FAM83H: variants seen among roughly 807,000 people sequenced by gnomAD.
The protein encoded by FAM83H is protein FAM83H.
A neutral mutation model predicts 30.2 loss-of-function variants in FAM83H; 24 were observed. The observed-to-expected ratio is 0.79, with a 90% CI of 0.57 to 1.12. The LOEUF (loss-of-function observed/expected upper bound fraction) is 1.12. Among genes scored for constraint, FAM83H ranks in the 50% most tolerant of loss-of-function variants. The pLI is 0.00. For synonymous variants in FAM83H, 1,013 were observed against 821.7 expected (o/e 1.23, Z -3.98); for missense variants, 2,038 against 1,773.9 (o/e 1.15, Z -2.67).
intron 1 of FAM83H, 32 bp from the exon 2 acceptor site, chr8:143,730,629 T>C (rs1818484779): frequency 7.1e-7 from 1 of 1,415,566 alleles, no homozygotes; most frequent in South Asian, 1.4e-5. Flanking sequence ...TGACTAGGGG[T>C]GGGGGCACTG....
In FAM83H at chr8:143,727,765, G is replaced by A. The variant is rs1223407396; in HGVS notation, c.1696C>T (p.Pro566Ser). 17 of 1,469,796 alleles carry A rather than the reference G, an allele frequency of 1.2e-5. 1 individual carries two copies. The Admixed American group carries it at 2.7e-4, about 23-fold the overall frequency. The allele number at this position is 1,469,796 out of a possible 1,614,324, so 91.0% of individuals were successfully genotyped here. Residue 566 changes from proline to serine, a missense_variant, in exon 5 of 5, where the codon CCG (proline) becomes TCG (serine). By Grantham distance (74) the Pro-to-Ser change is moderately conservative. Coordinates refer to ENST00000388913, the MANE Select transcript of FAM83H (RefSeq NM_198488.5). ...PGPDPAPEAEPERRGGPEGRA... is the reference protein window; with the variant it reads ...PGPDPAPEAESERRGGPEGRA... ...CCCTCGGGCCCGCCCCTGCGCTCCG[G>A]CTCCGCCTCGGGAGCGGGGTCTGGG...
intron 1 of FAM83H, among the ~76,000 whole-genome samples, chr8:143,731,010 G>A (rs1457121167): frequency 6.6e-6 from 1 of 152,046 alleles, no homozygotes; most frequent in South Asian, 2.1e-4. Flanking sequence ...CAGAAGGATT[G>A]TTTGAGCCCA....
chr8:143,724,864 G>T lies in FAM83H; in HGVS notation c.*1057C>A. ...AATGCCCCCTCCCCACTCTCACCCAGTGCTGGCCAGAGCCTCGCTGGAGGA... is the reference window on the plus strand; with the variant it reads ...AATGCCCCCTCCCCACTCTCACCCATTGCTGGCCAGAGCCTCGCTGGAGGA... On this transcript the variant is annotated 3_prime_UTR_variant, in exon 5 of 5. Coordinates refer to ENST00000388913, the MANE Select transcript of FAM83H (RefSeq NM_198488.5). The T allele has an allele frequency of 6.5e-6, 1 of 152,730 alleles. No homozygotes were observed. 9.5% of individuals were successfully genotyped at this position (152,730 alleles called of 1,614,324 possible).
chr8:143,729,975 A>G (rs1282243749), intron 2 of FAM83H, among the ~76,000 whole-genome samples, 161 bp downstream of exon 2: 4 of 152,078 alleles, frequency 2.6e-5, no homozygotes, highest in Non-Finnish European at 5.9e-5. Flanking sequence ...GCAGCCCCTG[A>G]TGACCGAGAC....
In FAM83H at chr8:143,729,230, G is replaced by A; in HGVS notation, c.541C>T (p.Leu181=). The A allele has an allele frequency of 1.2e-6, 2 of 1,613,596 alleles. No homozygotes were observed. The highest frequency in any genetic ancestry group is 1.7e-6 in the Non-Finnish European group (2 of 1,180,022). The change falls in exon 3 of 5, where the codon CTG becomes TTG. Residue 181 remains leucine, a synonymous_variant. Coordinates refer to ENST00000388913, the MANE Select transcript of FAM83H (RefSeq NM_198488.5). ...AARRVPVYIL[L]DEMNAQHFLD... is the part of the protein sequence containing the mutation. ...AAGTGCTGCGCGTTCATCTCATCCA[G>A]CAGGATGTAGACTGGGACCCGACGG...
Position 143,726,740 on chromosome 8 carries a change from G to C in FAM83H, c.2721C>G (p.Ala907=). The change falls in exon 5 of 5, where the codon GCC becomes GCG. Residue 907 remains alanine (A), a synonymous_variant. Coordinates refer to ENST00000388913, the MANE Select transcript of FAM83H (RefSeq NM_198488.5). ...CCGGACTACCCCTGCGCTCGGGGTA[G>C]GCTGAGGTGGGGCTCCCCTTCTGCT... The part of the protein sequence containing the change: ...FIEQKGSPTS[A]YPERRGSPVP... The C allele has an allele frequency of 6.2e-7, 1 of 1,612,168 alleles. No homozygotes were observed. Among genetic ancestry groups the C allele is most frequent in the South Asian group, 1.1e-5 (1 of 91,018 alleles).
Position 143,726,348 on chromosome 8 carries a change from T to C in FAM83H, c.3113A>G (p.Asp1038Gly), listed in dbSNP as rs1415233579. 1 of 1,611,778 alleles carries C rather than the reference T, an allele frequency of 6.2e-7. No homozygotes were observed. Among genetic ancestry groups the C allele is most frequent in the African/African-American group, 1.3e-5 (1 of 74,904 alleles). Residue 1038 changes from aspartate (D) to glycine (G), a missense_variant, in exon 5 of 5, where the codon GAT becomes GGT. Asp to Gly is a moderately conservative substitution (Grantham distance 94, BLOSUM62 -1). Transcript: ENST00000388913. ...ANALYSSNLRDDTKAILEQIS... is the reference protein window; with the variant it reads ...ANALYSSNLRGDTKAILEQIS... ...CTGCTCCAGAATGGCCTTCGTGTCA[T>C]CCCGAAGGTTGCTGCTGTACAAGGC...
rs1218756360 is a variant in FAM83H at position 143,730,562 on chromosome 8, G to C, written c.21C>G (p.Ser7Arg). 3 of 1,556,062 alleles carry C rather than the reference G, an allele frequency of 1.9e-6. No homozygotes were observed. Among genetic ancestry groups the C allele is most frequent in the South Asian group, 1.2e-5 (1 of 82,914 alleles). ...CCAGTGGGTTGTCCCCCTGCGAGGA[G>C]CTCTGAGAGCGACGGGCCATGTTGG... The part of the protein sequence containing the change: MARRSQ[S>R]SSQGDNPLAP... The change falls in exon 2 of 5, where the codon AGC becomes AGG. Residue 7 changes from serine (S) to arginine (R), a missense_variant. By Grantham distance (110) the Ser-to-Arg change is moderately radical (BLOSUM62 -1). Transcript: ENST00000388913.
chr8:143,730,385 T>A lies in FAM83H; in HGVS notation c.198A>T (p.Arg66=). The part of the protein sequence containing the change: ...LCPEELEHVS[R]HLRPPQYVTR... ...TAACATACTGCGGAGGCCGAAGGTGTCGGCTCACATGTTCCAGCTCTTCAG... is the reference window on the plus strand; with the variant it reads ...TAACATACTGCGGAGGCCGAAGGTGACGGCTCACATGTTCCAGCTCTTCAG... Residue 66 remains arginine, a synonymous_variant, in exon 2 of 5, where the codon CGA becomes CGT. Coordinates refer to ENST00000388913, the MANE Select transcript of FAM83H (RefSeq NM_198488.5). 6.2e-7 allele frequency: 1 copy of A among 1,613,442 alleles called. No individual in the cohort carries two copies. Among genetic ancestry groups the A allele is most frequent in the South Asian group, 1.1e-5 (1 of 91,088 alleles).
chr8:143,732,765 T>G, intron 1 of FAM83H: 1 of 982,584 alleles, frequency 1.0e-6, no homozygotes, highest in Non-Finnish European at 1.2e-6. Context: ...AGCACCCCAG[T>G]GGCCTGCATG....
chr8:143,730,491 G>A lies in FAM83H; in HGVS notation c.92C>T (p.Ala31Val), dbSNP rs782036478. ...PPHYKEYYRL[A>V]VDALAEGGSE... ...GCCACCCTCGGCCAGTGCATCCACC[G>A]CCAGGCGGTAGTACTCTTTGTAGTG... Residue 31 changes from alanine (A) to valine (V), a missense_variant, in exon 2 of 5, where the codon GCG becomes GTG. Coordinates refer to ENST00000388913, the MANE Select transcript of FAM83H (RefSeq NM_198488.5). 5 of 1,606,800 alleles carry A rather than the reference G, an allele frequency of 3.1e-6. No individual in the cohort carries two copies. The highest frequency in any genetic ancestry group is 1.7e-5 in the Admixed American group (1 of 59,776).
rs782442697 is a variant in FAM83H at position 143,725,917 on chromosome 8, A to G, written c.*4T>C. 3.1e-6 allele frequency: 5 copies of G among 1,612,664 alleles called. No individual in the cohort carries two copies. In the Middle Eastern group the frequency reaches 6.6e-4, roughly 214 times the overall value. ...CCCTGGCCTGGGTTGCCAGGCCAGA[A>G]GACTCACTTCTTGCTTTTGAACGTG... On this transcript the variant is annotated 3_prime_UTR_variant, in exon 5 of 5. Transcript: ENST00000388913.
Position 143,729,054 on chromosome 8 carries a change from T to C in FAM83H, c.650A>G (p.Tyr217Cys). The change falls in exon 4 of 5, where the codon TAC becomes TGC. Residue 217 changes from tyrosine to cysteine, a missense_variant. Transcript: ENST00000388913. ...CTTGAAGGACTTCCCAGTGCGGCAG[T>C]AGTAGGTGGGGCCCGCCACAGTCCG... is the stretch of plus-strand genomic sequence containing the variant. Reference protein sequence around the residue: ...RVRTVAGPTYYCRTGKSFKGH... With the variant: ...RVRTVAGPTYCCRTGKSFKGH... 6.2e-7 allele frequency: 1 copy of C among 1,613,228 alleles called. No homozygotes were observed. The highest frequency in any genetic ancestry group is 2.2e-5 in the East Asian group (1 of 44,840).
rs868951670 is a variant in FAM83H, at chr8:143,727,312, C to T, written c.2149G>A (p.Glu717Lys). The T allele has an allele frequency of 1.3e-6, 2 of 1,546,582 alleles. No individual in the cohort carries two copies. The highest frequency in any genetic ancestry group is 1.7e-6 in the Non-Finnish European group (2 of 1,152,724). ...GCCTCTCCGCCGGGCCCCAGCGTCT[C>T]GCTGACCGTCTGCTCCTTGTGCAGC... ...QLLHKEQTVS[E>K]TLGPGGEAVR... Residue 717 changes from glutamate to lysine, a missense_variant, in exon 5 of 5, where the codon GAG becomes AAG. By Grantham distance (56) the Glu-to-Lys change is moderately conservative (BLOSUM62 1). Transcript: ENST00000388913.
rs782647191 is a variant in FAM83H, at chr8:143,726,945, T to C, written c.2516A>G (p.Gln839Arg). The C allele has an allele frequency of 3.7e-6, 6 of 1,611,098 alleles. No homozygotes were observed. The highest frequency in any genetic ancestry group is 3.3e-5 in the Admixed American group (2 of 59,838). Reference protein sequence around the residue: ...DRLPSRFLSAQSHSTSPQGLD... With the variant: ...DRLPSRFLSARSHSTSPQGLD... ...CCCTTGCGGGGACGTTGAGTGGCTC[T>C]GGGCAGAGAGGAAGCGGGAAGGCAG... The change falls in exon 5 of 5, where the codon CAG becomes CGG. Residue 839 changes from glutamine (Q) to arginine (R), a missense_variant. By Grantham distance (43) the Gln-to-Arg change is conservative. Coordinates refer to ENST00000388913, the MANE Select transcript of FAM83H (RefSeq NM_198488.5).
At position 143,726,928 on chromosome 8, in the gene FAM83H, G is replaced by C. The variant is rs782664291; in HGVS notation, c.2533C>G (p.Pro845Ala). 3 of 1,611,924 alleles carry C rather than the reference G, an allele frequency of 1.9e-6. No individual in the cohort carries two copies. The highest frequency in any genetic ancestry group is 1.1e-5 in the South Asian group (1 of 90,998). Residue 845 changes from proline (P) to alanine (A), a missense_variant, in exon 5 of 5, where the codon CCG becomes GCG. Transcript: ENST00000388913. Reference protein sequence around the residue: ...FLSAQSHSTSPQGLDSPLPLE... With the variant: ...FLSAQSHSTSAQGLDSPLPLE... ...GGCAGAGGGCTGTCCAGCCCTTGCG[G>C]GGACGTTGAGTGGCTCTGGGCAGAG...
Position 143,727,124 on chromosome 8 carries a change from C to G in FAM83H, c.2337G>C (p.Val779=). 6.5e-7 allele frequency: 1 copy of G among 1,534,952 alleles called. No individual in the cohort carries two copies. Residue 779 remains valine, a synonymous_variant, in exon 5 of 5, where the codon GTG becomes GTC. Coordinates refer to ENST00000388913, the MANE Select transcript of FAM83H (RefSeq NM_198488.5). The part of the protein sequence containing the change: ...WREEVAAPGA[V]GGERRSLESC... The stretch of plus-strand genomic sequence containing the variant: ...TCTCGAGGCTGCGGCGCTCGCCCCC[C>G]ACGGCACCTGGGGCCGCCACCTCTT...
chr8:143,728,754 G>A lies in FAM83H; in HGVS notation c.738-31C>T, dbSNP rs562054326. 67 of 1,598,452 alleles carry A rather than the reference G, an allele frequency of 4.2e-5. No homozygotes were observed. In the East Asian group the frequency reaches 1.4e-3, roughly 34 times the overall value. On this transcript the variant is annotated intron_variant, in intron 4 of 4. Transcript: ENST00000388913. ...GGGGGGTCAGGGCCAGAGTCAAACC[G>A]AGCTGGAGCGAGGGCACTGCAGCCC...
chr8:143,730,697 G>T, intron 1 of FAM83H, 100 bp from the exon 2 acceptor site: 1 of 897,802 alleles, frequency 1.1e-6, no homozygotes, highest in Non-Finnish European at 1.6e-6. Flanking sequence ...AGTGACTTGG[G>T]TAGGCTGGAG....
Sources: gnomAD v4.1 joint callset for allele counts (sites outside exome capture counted in the v4.1 genomes callset) on GRCh38, gnomAD v4.1.1 for gene constraint, MANE v1.5 for transcripts, NCBI Gene and HGNC (gene_info 2026-07-23, HGNC 2026-07-21) for gene names.